Variants in ADAMTS20 observed in about 807,000 individuals in gnomAD.
ADAMTS20 encodes the protein A disintegrin and metalloproteinase with thrombospondin motifs 20.
ADAMTS20 carries 225 observed loss-of-function variants against 260.1 expected under a neutral mutation model. That is an observed-to-expected ratio of 0.87 (90% CI 0.78 to 0.97). The LOEUF (loss-of-function observed/expected upper bound fraction) is 0.97. Among genes scored for constraint, ADAMTS20 ranks in the 50% least tolerant of loss-of-function variants. The pLI, the probability that ADAMTS20 is intolerant of heterozygous loss-of-function variation, is 0.00. For synonymous variants in ADAMTS20, 802 were observed against 769.5 expected (o/e 1.04, Z -0.70); for missense variants, 2,400 against 2,337.7 (o/e 1.03, Z -0.55).
chr12:43,362,428 G>A (rs753167906), intron 37 of ADAMTS20, among the ~76,000 whole-genome samples: 1 of 152,082 alleles, frequency 6.6e-6, no homozygotes, highest in Non-Finnish European at 1.5e-5. Flanking sequence ...ATAGGGAATT[G>A]GGAAGAAGAA....
chr12:43,450,947 G>T (rs1210016013), intron 14 of ADAMTS20, among the ~76,000 whole-genome samples: 2 of 150,250 alleles, frequency 1.3e-5, no homozygotes, highest in Non-Finnish European at 3.0e-5. Context: ...CAAAGGAAAT[G>T]AATTTAGTAT....
At chr12:43,397,715 T>A (rs1940732904) in intron 29 of ADAMTS20, among the ~76,000 whole-genome samples, 1 of 152,236 alleles carries the variant, frequency 6.6e-6, no homozygotes, top group Non-Finnish European at 1.5e-5. Flanking sequence ...ATTTATTTGA[T>A]GAACATTCAA....
At chr12:43,447,607 T>G (rs2137341695) in intron 14 of ADAMTS20, among the ~76,000 whole-genome samples, 1 of 151,942 alleles carries the variant, frequency 6.6e-6, no homozygotes, top group East Asian at 1.9e-4. Context: ...CTCTCACCAC[T>G]CCTATTTAAC....
intron 19 of ADAMTS20, chr12:43,433,855 C>A: frequency 2.3e-6 from 1 of 430,430 alleles, no homozygotes; most frequent in Non-Finnish European, 4.6e-6. Flanking sequence ...GGAAATCAAT[C>A]AATTTGATTT....
At chr12:43,362,022 G>T (rs1939880339) in intron 37 of ADAMTS20, among the ~76,000 whole-genome samples, 1 of 152,108 alleles carries the variant, frequency 6.6e-6, no homozygotes, top group Non-Finnish European at 1.5e-5. Context: ...CCTTGTATTA[G>T]CAGACTAGGT....
chr12:43,428,577 T>C (rs1941380183), intron 25 of ADAMTS20, 46 bp from the exon 26 acceptor site: 2 of 1,493,408 alleles, frequency 1.3e-6, no homozygotes, highest in Admixed American at 2.2e-5. Flanking sequence ...TTAATTTATA[T>C]TTAATATCAA....
chr12:43,441,892 A>T (rs1335247363), intron 16 of ADAMTS20, among the ~76,000 whole-genome samples: 2 of 152,198 alleles, frequency 1.3e-5, no homozygotes, highest in Non-Finnish European at 2.9e-5. Context: ...TTCTGTGTAT[A>T]TGTGGACTAG....
At chr12:43,485,969 C>A (rs932408171) in intron 7 of ADAMTS20, among the ~76,000 whole-genome samples, 1 of 151,956 alleles carries the variant, frequency 6.6e-6, no homozygotes, top group Non-Finnish European at 1.5e-5. Context: ...TGCTTGTGGA[C>A]TGGAAAAATC....
chr12:43,474,688 C>T (rs377234712), intron 7 of ADAMTS20, among the ~76,000 whole-genome samples: 3,757 of 86,776 alleles, frequency 0.043, 66 homozygotes, highest in Admixed American at 0.1. Context: ...GTTCAATATA[C>T]GCAAATCAAT....
chr12:43,404,218 C>CAA (rs1291830782), intron 28 of ADAMTS20, among the ~76,000 whole-genome samples: 2 of 142,406 alleles, frequency 1.4e-5, no homozygotes, highest in Non-Finnish European at 3.1e-5. Context: ...CACACACACA[C>CAA]AAATAGAAAG....
downstream of ADAMTS20, among the ~76,000 whole-genome samples, chr12:43,353,688 G>T (rs1029859321): frequency 6.6e-6 from 1 of 152,068 alleles, no homozygotes; most frequent in Non-Finnish European, 1.5e-5. Flanking sequence ...TAAACTGTAT[G>T]AGTACAAAGT....
At chr12:43,496,948 C>A (rs147481048) in intron 4 of ADAMTS20, among the ~76,000 whole-genome samples, 2 of 152,258 alleles carry the variant, frequency 1.3e-5, no homozygotes, top group East Asian at 3.9e-4. Context: ...TGGAGCGTAT[C>A]ATAGGACTAA....
At position 43,420,800 on chromosome 12, in the gene ADAMTS20, C is replaced by CTTTTTTTTTTT. The variant is rs747496684; in HGVS notation, c.4284+4703_4284+4713dup. 2.9e-4 allele frequency among the ~76,000 whole-genome samples: 16 copies of CTTTTTTTTTTT among 55,514 alleles called. 1 individual carries two copies. Among genetic ancestry groups the CTTTTTTTTTTT allele is most frequent in the South Asian group, 1.2e-3 (1 of 812 alleles). The allele number at this position is 55,514 out of a possible 152,430, so 36.4% of individuals were successfully genotyped here. A position where few individuals can be genotyped will look rare whatever the true frequency, so the allele number is the denominator to read the frequency against. ...TCTTCTTCTTCTCCTCCTCCTCCTT[C>CTTTTTTTTTTT]TTTTTTTTTTTTTTTTTTTTTTTTT... On this transcript the variant is annotated intron_variant, in intron 28 of 38. Transcript: ENST00000389420.
At chr12:43,384,035 A>C in intron 29 of ADAMTS20, 58 bp from the exon 30 acceptor site, 1 of 1,477,532 alleles carries the variant, frequency 6.8e-7, no homozygotes, top group East Asian at 2.4e-5. Flanking sequence ...ATTATATAAA[A>C]GTAGCCAATG....
Position 43,454,043 on chromosome 12 carries a change from G to A in ADAMTS20, c.1624C>T (p.His542Tyr). 6.2e-7 allele frequency: 1 copy of A among 1,612,468 alleles called. No homozygotes were observed. The highest frequency in any genetic ancestry group is 2.2e-5 in the East Asian group (1 of 44,848). Reference protein sequence around the residue: ...TDCGPGMHCRHGLCVNKETET... With the variant: ...TDCGPGMHCRYGLCVNKETET... ...GTTTCTTTGTTTACACATAGCCCAT[G>A]ACGGCAATGCTATAAAAATAATAAG... is the stretch of plus-strand genomic sequence containing the variant. Residue 542 changes from histidine (H) to tyrosine (Y), a missense_variant, in exon 12 of 39, where the codon CAT becomes TAT. By Grantham distance (83) the His-to-Tyr change is moderately conservative. Coordinates refer to ENST00000389420, the MANE Select transcript of ADAMTS20 (RefSeq NM_025003.5).
At position 43,439,900 on chromosome 12, in the gene ADAMTS20, C is replaced by T; in HGVS notation, c.2460G>A (p.Leu820=). The T allele has an allele frequency of 1.9e-6, 3 of 1,603,412 alleles. No homozygotes were observed. The highest frequency in any genetic ancestry group is 1.7e-4 in the Middle Eastern group (1 of 6,028). Residue 820 remains leucine (L), a synonymous_variant, in exon 17 of 39, where the codon TTG becomes TTA. Transcript: ENST00000389420. ...TTACTGATGACTGAGAATTTACCTG[C>T]AAAATAAGTTCTTTCTCTTGTCGAT... The part of the protein sequence containing the change: ...STNRQEKELI[L]QVLCVGNLYN...
chr12:43,466,168 T>C (rs1357997145), intron 9 of ADAMTS20, among the ~76,000 whole-genome samples: 3 of 151,988 alleles, frequency 2.0e-5, no homozygotes, highest in Admixed American at 6.6e-5. Context: ...TGAAAGAATA[T>C]GTAAAGTTAG....
At chr12:43,530,383 C>G (rs999912431) in intron 3 of ADAMTS20, among the ~76,000 whole-genome samples, 1 of 152,144 alleles carries the variant, frequency 6.6e-6, no homozygotes, top group Non-Finnish European at 1.5e-5. Flanking sequence ...GAACTGTACC[C>G]ATTTGTGTTT....
At chr12:43,365,892 AAAT>A (rs1939973629) in intron 37 of ADAMTS20, among the ~76,000 whole-genome samples, 1 of 151,982 alleles carries the variant, frequency 6.6e-6, no homozygotes, top group Admixed American at 6.6e-5. Flanking sequence ...AGCAATTCAA[AAAT>A]AATGAAAAAA....
Sources: allele counts gnomAD v4.1 joint callset (sites outside exome capture counted in the v4.1 genomes callset), GRCh38; gene constraint gnomAD v4.1.1; transcripts MANE v1.5; gene names NCBI Gene and HGNC (gene_info 2026-07-23, HGNC 2026-07-21).